The following DMRT1 variants were observed in gnomAD, a reference collection of about 807,000 sequenced individuals.
The protein encoded by DMRT1 is doublesex and mab-3 related transcription factor 1.
A neutral mutation model predicts 32.3 loss-of-function variants in DMRT1; 7 were observed. That is an observed-to-expected ratio of 0.22 (90% CI 0.12 to 0.41). The LOEUF (loss-of-function observed/expected upper bound fraction) is 0.41, where lower values mean the gene tolerates loss of function less well. Among genes scored for constraint, DMRT1 ranks in the 10% least tolerant of loss-of-function variants. The pLI, the probability that DMRT1 is intolerant of heterozygous loss-of-function variation, is 1.00. For missense variants in DMRT1, 625 were observed against 500.5 expected (o/e 1.25, Z -2.37); for synonymous variants, 278 against 206.1 (o/e 1.35, Z -2.99).
intron 4 of DMRT1, among the ~76,000 whole-genome samples, chr9:929,588 ATTCT>A (rs1172327403): frequency 2.0e-5 from 3 of 151,990 alleles, no homozygotes; most frequent in African/African-American, 7.2e-5. Flanking sequence ...TCAAAAGAAT[ATTCT>A]TTCTTTCTTT....
At chr9:967,823 T>A (rs540914076) in intron 4 of DMRT1, among the ~76,000 whole-genome samples, 162 bp from the exon 5 acceptor site, 1 of 151,846 alleles carries the variant, frequency 6.6e-6, no homozygotes, top group East Asian at 1.9e-4. Context: ...ATGCTAGGAG[T>A]TTTAATGAGT....
At chr9:940,929 A>G (rs779656870) in intron 4 of DMRT1, among the ~76,000 whole-genome samples, 6 of 152,228 alleles carry the variant, frequency 3.9e-5, no homozygotes, top group Non-Finnish European at 8.8e-5. Context: ...TAATACGCAT[A>G]TGAAAGGATG....
chr9:859,106 C>G (rs1204533202), intron 2 of DMRT1, among the ~76,000 whole-genome samples: 1 of 152,048 alleles, frequency 6.6e-6, no homozygotes, highest in Non-Finnish European at 1.5e-5. Context: ...AGTTCCCTGG[C>G]TTCTGAAATC....
At chr9:939,523 C>G (rs1240071827) in intron 4 of DMRT1, among the ~76,000 whole-genome samples, 2 of 152,166 alleles carry the variant, frequency 1.3e-5, no homozygotes, top group African/African-American at 4.8e-5. Flanking sequence ...ATATTTTGTC[C>G]TGTTCTCTGT....
In DMRT1 at chr9:954,674, G is replaced by A. The variant is rs114224640; in HGVS notation, c.968-13311G>A. On this transcript the variant is annotated intron_variant, in intron 4 of 4. Coordinates refer to ENST00000382276, the MANE Select transcript of DMRT1 (RefSeq NM_021951.3). ...TATTATTATTATTTTTTAGAGTCTTGCTCTGTCGCCAAGCTGGAGTGCAGT... is the reference window on the plus strand; with the variant it reads ...TATTATTATTATTTTTTAGAGTCTTACTCTGTCGCCAAGCTGGAGTGCAGT... Among the ~76,000 whole-genome samples, 442 of 152,042 alleles carry A rather than the reference G, an allele frequency of 2.9e-3. 1 individual carries two copies. Among genetic ancestry groups the A allele is most frequent in the African/African-American group, 0.01 (415 of 41,462 alleles).
rs538355898 is a variant in DMRT1, at chr9:883,165, G to A, written c.539-10747G>A. Among the ~76,000 whole-genome samples the A allele has an allele frequency of 5.5e-4, 83 of 151,618 alleles. 1 individual carries two copies. The South Asian group carries it at 0.015, about 28-fold the overall frequency. On this transcript the variant is annotated intron_variant, in intron 2 of 4. Transcript: ENST00000382276. ...GACGCTGCACTCCCCTTTGAACCAA[G>A]CCCGCTCCTATCTTTAAAAGCCAAC...
At chr9:961,457 A>G (rs1819770947) in intron 4 of DMRT1, among the ~76,000 whole-genome samples, 1 of 152,162 alleles carries the variant, frequency 6.6e-6, no homozygotes, top group Non-Finnish European at 1.5e-5. Flanking sequence ...TGCTAGTCTG[A>G]AGGGATGGTT....
Position 968,172 on chromosome 9 carries a change from A to G in DMRT1, c.*33A>G. On this transcript the variant is annotated 3_prime_UTR_variant, in exon 5 of 5. Coordinates refer to ENST00000382276, the MANE Select transcript of DMRT1 (RefSeq NM_021951.3). ...CTGCTGCCGATGGCGGTTCACTTGG[A>G]GTAACAGGCTTATTCCACTTTCCAT... The G allele has an allele frequency of 1.9e-6, 3 of 1,612,926 alleles. No homozygotes were observed. The highest frequency in any genetic ancestry group is 2.5e-6 in the Non-Finnish European group (3 of 1,179,718).
intron 4 of DMRT1, among the ~76,000 whole-genome samples, chr9:964,023 A>T (rs1819856059): frequency 1.3e-5 from 2 of 152,238 alleles, no homozygotes; most frequent in Non-Finnish European, 2.9e-5. Flanking sequence ...TTAGGAGTTT[A>T]ATAGTGTTTA....
intron 2 of DMRT1, among the ~76,000 whole-genome samples, chr9:887,595 C>T (rs750650453): frequency 6.6e-5 from 10 of 152,132 alleles, no homozygotes; most frequent in South Asian, 2.1e-4. Context: ...GGCTGGAGCG[C>T]GTCTTGTCCT....
At chr9:872,923 TG>T (rs1392518707) in intron 2 of DMRT1, among the ~76,000 whole-genome samples, 1 of 152,218 alleles carries the variant, frequency 6.6e-6, no homozygotes, top group Non-Finnish European at 1.5e-5. Context: ...TTTGTTCATC[TG>T]GGCCAGCTGA....
Position 858,888 on chromosome 9 carries a change from T to C in DMRT1, c.538+11745T>C, listed in dbSNP as rs1010788753. On this transcript the variant is annotated intron_variant, in intron 2 of 4. Transcript: ENST00000382276. ...AAAAAAAAATATATATATATATATA[T>C]ATATATTTATCATTGTAACCATTTT... 2.0e-5 allele frequency among the ~76,000 whole-genome samples: 3 copies of C among 149,280 alleles called. No homozygotes were observed. The South Asian group carries it at 6.3e-4, about 31-fold the overall frequency.
At chr9:901,654 G>T (rs1338948459) in intron 3 of DMRT1, among the ~76,000 whole-genome samples, 1 of 151,636 alleles carries the variant, frequency 6.6e-6, no homozygotes, top group Non-Finnish European at 1.5e-5. Flanking sequence ...GACATAGTAG[G>T]AGACTTCACA....
chr9:957,360 C>T (rs184341549), intron 4 of DMRT1, among the ~76,000 whole-genome samples: 4 of 152,266 alleles, frequency 2.6e-5, no homozygotes, highest in Admixed American at 2.0e-4. Context: ...GAAGATACCA[C>T]AAAAATGTTT....
chr9:876,212 G>C (rs1357821755), intron 2 of DMRT1, among the ~76,000 whole-genome samples: 2 of 152,198 alleles, frequency 1.3e-5, no homozygotes, highest in African/African-American at 4.8e-5. Flanking sequence ...CTGGCAGTGA[G>C]GCTGCAGTTT....
intron 2 of DMRT1, among the ~76,000 whole-genome samples, chr9:854,605 GT>G (rs1815309175): frequency 6.6e-6 from 1 of 152,058 alleles, no homozygotes; most frequent in African/African-American, 2.4e-5. Context: ...TTTTGAAAGA[GT>G]CTGGCCACTT....
At chr9:943,492 C>T (rs1042566045) in intron 4 of DMRT1, among the ~76,000 whole-genome samples, 1 of 152,242 alleles carries the variant, frequency 6.6e-6, no homozygotes, top group Non-Finnish European at 1.5e-5. Context: ...ACAGGCATGT[C>T]ACTGGAACTC....
intron 2 of DMRT1, among the ~76,000 whole-genome samples, chr9:861,977 A>G (rs1172738421): frequency 6.7e-6 from 1 of 149,034 alleles, no homozygotes; most frequent in Non-Finnish European, 1.5e-5. Flanking sequence ...CACTTCCTAG[A>G]CGGGATGACG....
intron 4 of DMRT1, among the ~76,000 whole-genome samples, chr9:934,699 T>C (rs942082886): frequency 6.6e-6 from 1 of 152,250 alleles, no homozygotes; most frequent in Non-Finnish European, 1.5e-5. Flanking sequence ...AGCTTCATTC[T>C]TTTGCATGTG....
Sources: gnomAD v4.1 joint callset for allele counts (sites outside exome capture counted in the v4.1 genomes callset) on GRCh38, gnomAD v4.1.1 for gene constraint, MANE v1.5 for transcripts, NCBI Gene and HGNC (gene_info 2026-07-23, HGNC 2026-07-21) for gene names.